ZNF648: variants seen among roughly 807,000 people sequenced by gnomAD.
The protein encoded by ZNF648 is zinc finger protein 648.
In ZNF648, 1 loss-of-function variant was observed where a neutral mutation model predicts 0.3. The ratio of observed to expected loss-of-function variants is 3.90; its 90% confidence interval spans 1.39 to 18.51. The LOEUF (loss-of-function observed/expected upper bound fraction) is 18.51, where lower values mean the gene tolerates loss of function less well. ZNF648 is among the 30% of genes most tolerant of loss of function. The pLI is 0.11. For synonymous variants in ZNF648, 376 were observed against 326.8 expected, an observed-to-expected ratio of 1.15 and a Z score of -1.62; for missense variants, 874 against 769.7, an observed-to-expected ratio of 1.14 and a Z score of -1.60.
In ZNF648 at chr1:182,054,934, A is replaced by C. The variant is rs755031930; in HGVS notation, c.*1370T>G. 1 of 152,132 alleles carries C rather than the reference A, an allele frequency of 6.6e-6. No homozygotes were observed. The highest frequency in any genetic ancestry group is 1.5e-5 in the Non-Finnish European group (1 of 68,024). 9.4% of individuals were successfully genotyped at this position (152,132 alleles called of 1,614,324 possible). On this transcript the variant is annotated 3_prime_UTR_variant, in exon 2 of 2. Coordinates refer to ENST00000339948, the MANE Select transcript of ZNF648 (RefSeq NM_001009992.1). ...CATGAGAATGCTATTTAGAGGTCAC[A>C]CCCTAGTTCCAAATCAGGTGGAAAC...
rs901156749 is a variant in ZNF648, at chr1:182,056,510, C to T, written c.1501G>A (p.Glu501Lys). Residue 501 changes from glutamate to lysine, a missense_variant, in exon 2 of 2, where the codon GAG becomes AAG. By Grantham distance (56) the Glu-to-Lys change is moderately conservative (BLOSUM62 1). Coordinates refer to ENST00000339948, the MANE Select transcript of ZNF648 (RefSeq NM_001009992.1). ...CACTCGGCACAGAGGAATCCCTTCTCCCCGGAGTGGATCTGTTGGTGCCGC... is the reference window on the plus strand; with the variant it reads ...CACTCGGCACAGAGGAATCCCTTCTTCCCGGAGTGGATCTGTTGGTGCCGC... The part of the protein sequence containing the change: ...LKRHQQIHSG[E>K]KGFLCAECGR... 2 of 1,613,872 alleles carry T rather than the reference C, an allele frequency of 1.2e-6. No individual in the cohort carries two copies. The highest frequency in any genetic ancestry group is 1.1e-5 in the South Asian group (1 of 91,006).
Position 182,056,433 on chromosome 1 carries a change from G to A in ZNF648, c.1578C>T (p.His526=). 6.2e-7 allele frequency: 1 copy of A among 1,614,158 alleles called. No individual in the cohort carries two copies. Among genetic ancestry groups the A allele is most frequent in the South Asian group, 1.1e-5 (1 of 91,068 alleles). ...ASELAQHIRM[H]NGERPYQCED... is the part of the protein sequence containing the mutation. ...CACACTGGTAGGGCCTCTCTCCGTT[G>A]TGCATTCGTATGTGCTGGGCCAACT... The change falls in exon 2 of 2, where the codon CAC becomes CAT. Residue 526 remains histidine (H), a synonymous_variant. Transcript: ENST00000339948.
chr1:182,056,914 C>T lies in ZNF648; in HGVS notation c.1097G>A (p.Cys366Tyr). The change falls in exon 2 of 2, where the codon TGC (cysteine) becomes TAC (tyrosine). Residue 366 changes from cysteine (C) to tyrosine (Y), a missense_variant. Cys to Tyr is a radical substitution (Grantham distance 194). Coordinates refer to ENST00000339948, the MANE Select transcript of ZNF648 (RefSeq NM_001009992.1). The stretch of plus-strand genomic sequence containing the variant: ...GTTGAAGGTCAGGCCGCACTCGGAG[C>T]ACGGGAAGGGCTTATTGTTGCTGTG... ...NMHSNNKPFP[C>Y]SECGLTFNKP... 6.2e-7 allele frequency: 1 copy of T among 1,601,784 alleles called. No homozygotes were observed. The highest frequency in any genetic ancestry group is 8.5e-7 in the Non-Finnish European group (1 of 1,174,458).
At position 182,056,776 on chromosome 1, in the gene ZNF648, C is replaced by A; in HGVS notation, c.1235G>T (p.Arg412Leu). The A allele has an allele frequency of 6.4e-7, 1 of 1,559,496 alleles. No homozygotes were observed. Among genetic ancestry groups the A allele is most frequent in the Non-Finnish European group, 8.7e-7 (1 of 1,151,976 alleles). ...AVASRMVEHQ[R>L]VHSGERPFPC... ...GAAGGGCCGCTCGCCCGAGTGCACG[C>A]GCTGGTGCTCCACCATGCGGCTGGC... The change falls in exon 2 of 2, where the codon CGC (arginine) becomes CTC (leucine). Residue 412 changes from arginine (R) to leucine (L), a missense_variant. By Grantham distance (102) the Arg-to-Leu change is moderately radical (BLOSUM62 -2). Coordinates refer to ENST00000339948, the MANE Select transcript of ZNF648 (RefSeq NM_001009992.1).
chr1:182,063,746 A>G (rs1666063272), upstream of ZNF648: 1 of 152,186 alleles, frequency 6.6e-6, no homozygotes, highest in South Asian at 2.1e-4. Context: ...TTTTGTTGCA[A>G]TTGCTTTTGG....
At chr1:182,065,570 T>A (rs1265025095), upstream of ZNF648, among the ~76,000 whole-genome samples, 1 of 152,222 alleles carries the variant, frequency 6.6e-6, no homozygotes, top group Admixed American at 6.5e-5. Context: ...CACACTGGTG[T>A]TGCCATCTCA....
At chr1:182,066,008 C>T (rs1002894835), upstream of ZNF648, among the ~76,000 whole-genome samples, 40 of 152,358 alleles carry the variant, frequency 2.6e-4, no homozygotes, top group African/African-American at 9.4e-4. Context: ...ACATCCTTTT[C>T]CTGCTTTTAG....
chr1:182,055,027 A>G lies in ZNF648; in HGVS notation c.*1277T>C, dbSNP rs557486115. ...GAATATACTAAAGGTACTCCCCCAA[A>G]AAGGGCACTATACCTTCTTATGGAA... On this transcript the variant is annotated 3_prime_UTR_variant, in exon 2 of 2. Transcript: ENST00000339948. This position sits in a 1 kb window ranked among gnomAD's most constrained non-coding sequence, Gnocchi z 4.1. The G allele has an allele frequency of 5.1e-4, 78 of 152,342 alleles. No individual in the cohort carries two copies. The highest frequency in any genetic ancestry group is 1.8e-3 in the African/African-American group (73 of 41,592). 9.4% of individuals were successfully genotyped at this position (152,342 alleles called of 1,614,324 possible). A position where few individuals can be genotyped will look rare whatever the true frequency, so the allele number is the denominator to read the frequency against.
chr1:182,056,790 C>T lies in ZNF648; in HGVS notation c.1221G>A (p.Met407Ile), dbSNP rs1253196716. 14 of 1,532,426 alleles carry T rather than the reference C, an allele frequency of 9.1e-6. No individual in the cohort carries two copies. Among genetic ancestry groups the T allele is most frequent in the Non-Finnish European group, 1.2e-5 (14 of 1,142,566 alleles). The allele number at this position is 1,532,426 out of a possible 1,614,324, so 94.9% of individuals were successfully genotyped here. The change falls in exon 2 of 2, where the codon ATG becomes ATA. Residue 407 changes from methionine (M) to isoleucine (I), a missense_variant. Physicochemically the swap from Met to Ile is conservative, Grantham distance 10. Coordinates refer to ENST00000339948, the MANE Select transcript of ZNF648 (RefSeq NM_001009992.1). Reference protein sequence around the residue: ...CDREFAVASRMVEHQRVHSGE... With the variant: ...CDREFAVASRIVEHQRVHSGE... ...CCGAGTGCACGCGCTGGTGCTCCAC[C>T]ATGCGGCTGGCCACAGCGAACTCCC...
rs1218256529 is a variant in ZNF648 at position 182,057,328 on chromosome 1, C to T, written c.683G>A (p.Arg228Gln). Reference sequence around the variant, plus strand: ...CTGGTTCTGTACTTTCCTGCTGTTCCGCGCTTTTGCCAGGACCGCGGCAGC... The same window carrying T: ...CTGGTTCTGTACTTTCCTGCTGTTCTGCGCTTTTGCCAGGACCGCGGCAGC... ...SLAAAVLAKA[R>Q]NSRKVQNQAG... is the part of the protein sequence containing the mutation. The change falls in exon 2 of 2, where the codon CGG (arginine) becomes CAG (glutamine). Residue 228 changes from arginine (R) to glutamine (Q), a missense_variant. By Grantham distance (43) the Arg-to-Gln change is conservative (BLOSUM62 1). Coordinates refer to ENST00000339948, the MANE Select transcript of ZNF648 (RefSeq NM_001009992.1). 3 of 1,608,070 alleles carry T rather than the reference C, an allele frequency of 1.9e-6. No individual in the cohort carries two copies. The highest frequency in any genetic ancestry group is 1.3e-5 in the African/African-American group (1 of 74,938).
chr1:182,056,192 C>G lies in ZNF648; in HGVS notation c.*112G>C. 7.3e-7 allele frequency: 1 copy of G among 1,368,524 alleles called. No homozygotes were observed. Among genetic ancestry groups the G allele is most frequent in the Non-Finnish European group, 9.8e-7 (1 of 1,017,226 alleles). The allele number at this position is 1,368,524 out of a possible 1,614,324, so 84.8% of individuals were successfully genotyped here. A position where few individuals can be genotyped will look rare whatever the true frequency, so the allele number is the denominator to read the frequency against. On this transcript the variant is annotated 3_prime_UTR_variant, in exon 2 of 2. Coordinates refer to ENST00000339948, the MANE Select transcript of ZNF648 (RefSeq NM_001009992.1). Reference sequence around the variant, plus strand: ...GGATCAAATAAATAATCAAATGGACCACTGATGACCCGCGACCTGCTGGGA... The same window carrying G: ...GGATCAAATAAATAATCAAATGGACGACTGATGACCCGCGACCTGCTGGGA...
chr1:182,068,299 G>A, the ZNF648 span: 80 of 152,216 alleles, frequency 5.3e-4, 1 homozygote, highest in East Asian at 0.013. Flanking sequence ...TTATTTGTTC[G>A]ATCATTCATT....
intron 1 of ZNF648, among the ~76,000 whole-genome samples, chr1:182,058,867 C>G (rs773831765): frequency 1.3e-5 from 2 of 152,190 alleles, no homozygotes; most frequent in Non-Finnish European, 2.9e-5. Context: ...CTCTGTCACC[C>G]AGGCTGGAGT....
the ZNF648 span, chr1:182,069,127 CTGGCTCCCCCTT>C: frequency 5.9e-5 from 9 of 152,140 alleles, no homozygotes; most frequent in African/African-American, 1.9e-4. Flanking sequence ...TCCCGGCTCT[CTGGCTCCCCCTT>C]TGGCTCCCTG....
At position 182,056,842 on chromosome 1, in the gene ZNF648, T is replaced by C; in HGVS notation, c.1169A>G (p.Lys390Arg). 3 of 1,557,452 alleles carry C rather than the reference T, an allele frequency of 1.9e-6. No individual in the cohort carries two copies. Among genetic ancestry groups the C allele is most frequent in the Non-Finnish European group, 2.6e-6 (3 of 1,151,036 alleles). The change falls in exon 2 of 2, where the codon AAG becomes AGG. Residue 390 changes from lysine to arginine, a missense_variant. Lys to Arg is a conservative substitution (Grantham distance 26). Coordinates refer to ENST00000339948, the MANE Select transcript of ZNF648 (RefSeq NM_001009992.1). The part of the protein sequence containing the change: ...LRHQRTHLGA[K>R]PFRCPACDRE... ...GTCGCAGGCGGGGCAGCGGAAGGGC[T>C]TGGCGCCCAGGTGCGTGCGCTGGTG...
Position 182,056,579 on chromosome 1 carries a change from A to G in ZNF648, c.1432T>C (p.Cys478Arg). 4 of 1,614,034 alleles carry G rather than the reference A, an allele frequency of 2.5e-6. No homozygotes were observed. The highest frequency in any genetic ancestry group is 3.4e-6 in the Non-Finnish European group (4 of 1,179,972). Residue 478 changes from cysteine (C) to arginine (R), a missense_variant, in exon 2 of 2, where the codon TGC becomes CGC. Transcript: ENST00000339948. Reference sequence around the variant, plus strand: ...GCAAAGGCCTGGCCACACTGCGTGCAAGGAAAGGGCCTCTCGCCAGTGTGG... The same window carrying G: ...GCAAAGGCCTGGCCACACTGCGTGCGAGGAAAGGGCCTCTCGCCAGTGTGG... Reference protein sequence around the residue: ...RIHTGERPFPCTQCGQAFARS... With the variant: ...RIHTGERPFPRTQCGQAFARS...
chr1:182,065,709 C>T (rs905850765), upstream of ZNF648, among the ~76,000 whole-genome samples: 1 of 152,184 alleles, frequency 6.6e-6, no homozygotes, highest in African/African-American at 2.4e-5. Context: ...TCCAAGCCAT[C>T]TTAAGAACGC....
At position 182,056,509 on chromosome 1, in the gene ZNF648, T is replaced by A. The variant is rs777601531; in HGVS notation, c.1502A>T (p.Glu501Val). Reference protein sequence around the residue: ...LKRHQQIHSGEKGFLCAECGR... With the variant: ...LKRHQQIHSGVKGFLCAECGR... ...GCACTCGGCACAGAGGAATCCCTTC[T>A]CCCCGGAGTGGATCTGTTGGTGCCG... Residue 501 changes from glutamate to valine, a missense_variant, in exon 2 of 2, where the codon GAG (glutamate) becomes GTG (valine). Coordinates refer to ENST00000339948, the MANE Select transcript of ZNF648 (RefSeq NM_001009992.1). 1 of 1,613,984 alleles carries A rather than the reference T, an allele frequency of 6.2e-7. No homozygotes were observed. The highest frequency in any genetic ancestry group is 8.5e-7 in the Non-Finnish European group (1 of 1,179,962).
In ZNF648 at chr1:182,057,196, C is replaced by T; in HGVS notation, c.815G>A (p.Arg272His). The T allele has an allele frequency of 6.4e-7, 1 of 1,574,252 alleles. No individual in the cohort carries two copies. The highest frequency in any genetic ancestry group is 8.6e-7 in the Non-Finnish European group (1 of 1,166,114). Reference protein sequence around the residue: ...PSKPLSPAETRGGAAKRYACE... With the variant: ...PSKPLSPAETHGGAAKRYACE... ...CGCGTAGCGCTTGGCGGCGCCGCCG[C>T]GCGTCTCCGCGGGGCTCAGCGGCTT... is the stretch of plus-strand genomic sequence containing the variant. Residue 272 changes from arginine (R) to histidine (H), a missense_variant, in exon 2 of 2, where the codon CGC (arginine) becomes CAC (histidine). By Grantham distance (29) the Arg-to-His change is conservative (BLOSUM62 0). Coordinates refer to ENST00000339948, the MANE Select transcript of ZNF648 (RefSeq NM_001009992.1).
Sources: gnomAD v4.1 joint callset for allele counts (sites outside exome capture counted in the v4.1 genomes callset) on GRCh38, gnomAD v4.1.1 for gene constraint, Gnocchi (gnomAD v3.1) non-coding constraint, MANE v1.5 for transcripts, NCBI Gene and HGNC (gene_info 2026-07-23, HGNC 2026-07-21) for gene names.